GDF10: variants seen among roughly 807,000 people sequenced by gnomAD.
The protein encoded by GDF10 is growth/differentiation factor 10.
Under a neutral mutation model 32.1 loss-of-function variants are expected in GDF10, and 23 were observed. The observed-to-expected ratio is 0.72, with a 90% confidence interval of 0.52 to 1.02. GDF10 has a LOEUF of 1.02. Among genes scored for constraint, GDF10 ranks in the 50% least tolerant of loss-of-function variants. The probability of loss-of-function intolerance (pLI) is 0.00; values close to 1 mark genes in which losing one functional copy is unlikely to be tolerated. For synonymous variants in GDF10, 328 were observed against 303.1 expected (o/e 1.08, Z -0.85); for missense variants, 764 against 673.9 (o/e 1.13, Z -1.48).
chr10:47,300,314 C>T lies in GDF10; in HGVS notation c.-338C>T, dbSNP rs1294710026. On this transcript the variant is annotated 5_prime_UTR_variant, in exon 1 of 3. Transcript: ENST00000580279. ...GGGCGCAGCCGGCCGCCCCGCCCCG[C>T]CCCTCGAAGCAGCCGGGCCGGGCGC... is the stretch of plus-strand genomic sequence containing the variant. 1 of 222,472 alleles carries T rather than the reference C, an allele frequency of 4.5e-6. No individual in the cohort carries two copies. Among genetic ancestry groups the T allele is most frequent in the Admixed American group, 5.9e-5 (1 of 17,064 alleles). The allele number at this position is 222,472 out of a possible 1,614,324, so 13.8% of individuals were successfully genotyped here.
At position 47,300,581 on chromosome 10, in the gene GDF10, C is replaced by G. The variant is rs1276500561; in HGVS notation, c.-71C>G. 2.9e-5 allele frequency: 41 copies of G among 1,431,124 alleles called. No homozygotes were observed. Among genetic ancestry groups the G allele is most frequent in the Non-Finnish European group, 3.8e-5 (41 of 1,066,122 alleles). 88.7% of individuals were successfully genotyped at this position (1,431,124 alleles called of 1,614,324 possible). ...GCGCCCTACTGCCGCGAGGTCAGTCCGCAGCCTCCGGTGCGCCAGCGCTCG... is the reference window on the plus strand; with the variant it reads ...GCGCCCTACTGCCGCGAGGTCAGTCGGCAGCCTCCGGTGCGCCAGCGCTCG... On this transcript the variant is annotated 5_prime_UTR_variant, in exon 1 of 3. Coordinates refer to ENST00000580279, the MANE Select transcript of GDF10 (RefSeq NM_004962.5).
intron 1 of GDF10, among the ~76,000 whole-genome samples, chr10:47,309,296 A>T (rs2061034117): frequency 6.6e-6 from 1 of 152,220 alleles, no homozygotes; most frequent in Non-Finnish European, 1.5e-5. Flanking sequence ...TTTAATGTGA[A>T]GTGTATTTAA....
chr10:47,305,266 G>A (rs998383324), intron 1 of GDF10, among the ~76,000 whole-genome samples: 1 of 152,180 alleles, frequency 6.6e-6, no homozygotes, highest in Non-Finnish European at 1.5e-5. Context: ...CTTGCTGGGT[G>A]CCAGGCACAG....
intron 2 of GDF10, among the ~76,000 whole-genome samples, chr10:47,311,947 A>G (rs2061048006): frequency 6.6e-6 from 1 of 152,226 alleles, no homozygotes; most frequent in Non-Finnish European, 1.5e-5. Flanking sequence ...AGGTGGGCAC[A>G]GTTTTCCAAG....
chr10:47,308,406 C>T (rs1334311892), intron 1 of GDF10, among the ~76,000 whole-genome samples: 2 of 152,158 alleles, frequency 1.3e-5, no homozygotes, highest in African/African-American at 2.4e-5. Context: ...CCACCTGAGC[C>T]TTTACTGGCA....
At position 47,300,516 on chromosome 10, in the gene GDF10, A is replaced by T; in HGVS notation, c.-136A>T. The T allele has an allele frequency of 1.4e-6, 1 of 725,122 alleles. No individual in the cohort carries two copies. Among genetic ancestry groups the T allele is most frequent in the Non-Finnish European group, 2.1e-6 (1 of 473,800 alleles). 44.9% of individuals were successfully genotyped at this position (725,122 alleles called of 1,614,324 possible). ...CCGCTAAGCCCCTCGCCCCGCGCGG[A>T]CCTCGGTATCCAGCGCCCTGCTGCC... On this transcript the variant is annotated 5_prime_UTR_variant, in exon 1 of 3. Transcript: ENST00000580279.
intron 1 of GDF10, among the ~76,000 whole-genome samples, chr10:47,308,655 C>T (rs537602452): frequency 1.1e-4 from 17 of 152,268 alleles, no homozygotes; most frequent in South Asian, 4.1e-4. Flanking sequence ...ACACACTTCC[C>T]GGGCTTGGGA....
intron 1 of GDF10, among the ~76,000 whole-genome samples, chr10:47,307,761 A>G (rs2061028269): frequency 6.6e-6 from 1 of 152,260 alleles, no homozygotes; most frequent in Non-Finnish European, 1.5e-5. Context: ...AACTGGATCA[A>G]AGAAAAACAA....
intron 1 of GDF10, among the ~76,000 whole-genome samples, chr10:47,307,732 A>G (rs782208447): frequency 6.6e-5 from 10 of 152,360 alleles, no homozygotes; most frequent in Non-Finnish European, 1.3e-4. Flanking sequence ...TAGCAGAACA[A>G]TGGAGGAGTT....
intron 1 of GDF10, among the ~76,000 whole-genome samples, chr10:47,305,763 A>G (rs1480975132): frequency 2.0e-5 from 3 of 152,194 alleles, no homozygotes; most frequent in African/African-American, 7.2e-5. Context: ...GCCCTCAGGA[A>G]GGAGGCTGAG....
At chr10:47,309,135 C>T (rs116378474) in intron 1 of GDF10, among the ~76,000 whole-genome samples, 1,818 of 152,310 alleles carry the variant, frequency 0.012, 32 homozygotes, top group African/African-American at 0.041. Flanking sequence ...CCTGATGCTG[C>T]TCTTTTCTTG....
rs1326871402 is a variant in GDF10 at position 47,310,416 on chromosome 10, C to G, written c.940C>G (p.His314Asp). Residue 314 changes from histidine to aspartate, a missense_variant, in exon 2 of 3, where the codon CAC (histidine) becomes GAC (aspartate). His to Asp is a moderately conservative substitution (Grantham distance 81). Coordinates refer to ENST00000580279, the MANE Select transcript of GDF10 (RefSeq NM_004962.5). ...PGLDERPPRA[H>D]AQHFHKHQLW... ...GCTGGATGAGAGGCCGCCGCGCGCC[C>G]ACGCACAGCACTTCCACAAGCACCA... 5.0e-6 allele frequency: 8 copies of G among 1,611,862 alleles called. No individual in the cohort carries two copies. Among genetic ancestry groups the G allele is most frequent in the Non-Finnish European group, 6.8e-6 (8 of 1,179,602 alleles).
chr10:47,310,149 C>G lies in GDF10; in HGVS notation c.673C>G (p.Leu225Val), dbSNP rs1024781833. The change falls in exon 2 of 3, where the codon CTG becomes GTG. Residue 225 changes from leucine to valine, a missense_variant. Coordinates refer to ENST00000580279, the MANE Select transcript of GDF10 (RefSeq NM_004962.5). Reference protein sequence around the residue: ...RDGELLLSAQLDSEERDPGVP... With the variant: ...RDGELLLSAQVDSEERDPGVP... Reference sequence around the variant, plus strand: ...TGGCGAGCTGCTCCTCTCCGCCCAGCTGGATTCTGAGGAGAGGGACCCGGG... The same window carrying G: ...TGGCGAGCTGCTCCTCTCCGCCCAGGTGGATTCTGAGGAGAGGGACCCGGG... 6.2e-7 allele frequency: 1 copy of G among 1,611,992 alleles called. No homozygotes were observed. The highest frequency in any genetic ancestry group is 8.5e-7 in the Non-Finnish European group (1 of 1,179,502).
chr10:47,302,352 C>T (rs11204217), intron 1 of GDF10, among the ~76,000 whole-genome samples: 22,345 of 152,110 alleles, frequency 0.15, 2,232 homozygotes, highest in African/African-American at 0.27. Flanking sequence ...TACGGGATTC[C>T]CCTGGGAGCA....
Position 47,309,906 on chromosome 10 carries a change from C to G in GDF10, c.430C>G (p.Arg144Gly). Residue 144 changes from arginine to glycine, a missense_variant, in exon 2 of 3, where the codon CGA (arginine) becomes GGA (glycine). Transcript: ENST00000580279. ...HFYSEPPRWP[R>G]ALEVLCKPRA... ...CTACTCAGAGCCGCCTCGGTGGCCT[C>G]GAGCGCTCGAGGTGCTATGCAAGCC... 6.2e-7 allele frequency: 1 copy of G among 1,612,868 alleles called. No homozygotes were observed. Among genetic ancestry groups the G allele is most frequent in the Non-Finnish European group, 8.5e-7 (1 of 1,179,880 alleles).
chr10:47,310,782 T>C, intron 2 of GDF10, 61 bp downstream of exon 2: 1 of 1,140,050 alleles, frequency 8.8e-7, no homozygotes, highest in Non-Finnish European at 1.3e-6. Context: ...ACCGTCAAGT[T>C]CCTCAGCCTG....
chr10:47,310,521 A>C lies in GDF10; in HGVS notation c.1045A>C (p.Met349Leu). The C allele has an allele frequency of 6.2e-7, 1 of 1,613,884 alleles. No individual in the cohort carries two copies. Among genetic ancestry groups the C allele is most frequent in the Non-Finnish European group, 8.5e-7 (1 of 1,179,760 alleles). Residue 349 changes from methionine (M) to leucine (L), a missense_variant, in exon 2 of 3, where the codon ATG (methionine) becomes CTG (leucine). By Grantham distance (15) the Met-to-Leu change is conservative (BLOSUM62 2). Transcript: ENST00000580279. ...DRRKKGQEVFMAASQVLDFDE... is the reference protein window; with the variant it reads ...DRRKKGQEVFLAASQVLDFDE... ...CAGGAAGAAGGGCCAGGAGGTGTTC[A>C]TGGCCGCCTCGCAGGTGCTGGACTT...
chr10:47,300,300 G>GCCGCC lies in GDF10; in HGVS notation c.-339_-335dup, dbSNP rs1257335551. ...CCGGGTCCCCTCGAGGGCGCAGCCG[G>GCCGCC]CCGCCCCGCCCCGCCCCTCGAAGCA... On this transcript the variant is annotated 5_prime_UTR_variant, in exon 1 of 3. Coordinates refer to ENST00000580279, the MANE Select transcript of GDF10 (RefSeq NM_004962.5). 8.5e-5 allele frequency: 17 copies of GCCGCC among 200,846 alleles called. No homozygotes were observed. The highest frequency in any genetic ancestry group is 3.0e-4 in the African/African-American group (13 of 43,054). The allele number at this position is 200,846 out of a possible 1,614,324, so 12.4% of individuals were successfully genotyped here.
chr10:47,312,525 G>A, intron 2 of GDF10, 76 bp from the exon 3 acceptor site: 2 of 857,478 alleles, frequency 2.3e-6, no homozygotes, highest in Non-Finnish European at 3.6e-6. Flanking sequence ...TATGGCCTGG[G>A]ACTGTGAGGA....
Sources: gnomAD v4.1 joint callset for allele counts (sites outside exome capture counted in the v4.1 genomes callset) on GRCh38, gnomAD v4.1.1 for gene constraint, MANE v1.5 for transcripts, NCBI Gene and HGNC (gene_info 2026-07-23, HGNC 2026-07-21) for gene names.